Variants in CAV2 observed in about 807,000 individuals in gnomAD.
CAV2 encodes caveolin-2.
CAV2 carries 7 observed loss-of-function variants against 15.5 expected under a neutral mutation model. That is an observed-to-expected ratio of 0.45 (90% CI 0.26 to 0.85). The LOEUF is 0.85. CAV2 is among the 40% of genes least tolerant of loss of function. The pLI, the probability that CAV2 is intolerant of heterozygous loss-of-function variation, is 0.18. For missense variants in CAV2, 229 were observed against 208.8 expected (o/e 1.10, Z -0.60); for synonymous variants, 76 against 83.1 (o/e 0.91, Z 0.46).
Position 116,507,976 on chromosome 7 carries a change from G to A in CAV2, c.*1855G>A, listed in dbSNP as rs1048512204. The A allele has an allele frequency of 6.6e-6, 1 of 152,160 alleles. No homozygotes were observed. The highest frequency in any genetic ancestry group is 1.5e-5 in the Non-Finnish European group (1 of 68,028). 9.4% of individuals were successfully genotyped at this position (152,160 alleles called of 1,614,324 possible). On this transcript the variant is annotated 3_prime_UTR_variant, in exon 3 of 3. Coordinates refer to ENST00000222693, the MANE Select transcript of CAV2 (RefSeq NM_001233.5). ...ATCAAATGAATGATTAAATTATGAA[G>A]CTCATATCCTTTTGAAGGTAGTTGC... is the stretch of plus-strand genomic sequence containing the variant.
rs1040188382 is a variant in CAV2, at chr7:116,506,712, T to G, written c.*591T>G. On this transcript the variant is annotated 3_prime_UTR_variant, in exon 3 of 3. Transcript: ENST00000222693. The stretch of plus-strand genomic sequence containing the variant: ...TTAAAATATTGTTTTCCTACAGGCC[T>G]ATTTAACAAGATGTTTCATTTTACT... The G allele has an allele frequency of 6.6e-6, 1 of 152,202 alleles. No homozygotes were observed. The highest frequency in any genetic ancestry group is 2.4e-5 in the African/African-American group (1 of 41,460). The allele number at this position is 152,202 out of a possible 1,614,324, so 9.4% of individuals were successfully genotyped here.
intron 2 of CAV2, among the ~76,000 whole-genome samples, chr7:116,504,789 G>T (rs1325501428): frequency 1.3e-5 from 2 of 152,178 alleles, no homozygotes; most frequent in Non-Finnish European, 2.9e-5. Context: ...ATAAGGATAT[G>T]CAGCTATGTT....
At position 116,506,376 on chromosome 7, in the gene CAV2, C is replaced by T; in HGVS notation, c.*255C>T. On this transcript the variant is annotated 3_prime_UTR_variant, in exon 3 of 3. Coordinates refer to ENST00000222693, the MANE Select transcript of CAV2 (RefSeq NM_001233.5). The stretch of plus-strand genomic sequence containing the variant: ...GACACCACTTAGATTTAAAGGCAGA[C>T]AGTTTTGCTTTAGTACAATAGTATA... The T allele has an allele frequency of 2.5e-6, 1 of 405,460 alleles. No homozygotes were observed. The highest frequency in any genetic ancestry group is 4.4e-6 in the Non-Finnish European group (1 of 227,886). 25.1% of individuals were successfully genotyped at this position (405,460 alleles called of 1,614,324 possible). A position where few individuals can be genotyped will look rare whatever the true frequency, so the allele number is the denominator to read the frequency against.
At chr7:116,503,808 C>A (rs67933359) in intron 2 of CAV2, among the ~76,000 whole-genome samples, 40,728 of 146,826 alleles carry the variant, frequency 0.28, 6,202 homozygotes, top group African/African-American at 0.37. Flanking sequence ...CCAGCCTGGG[C>A]AATAGAGTGA....
rs765831466 is a variant in CAV2, at chr7:116,499,921, C to A, written c.140C>A (p.Ser47Ter). 5 of 1,611,526 alleles carry A rather than the reference C, an allele frequency of 3.1e-6. No homozygotes were observed. The highest frequency in any genetic ancestry group is 4.2e-6 in the Non-Finnish European group (5 of 1,179,302). Residue 47 changes from serine (S) to a stop codon, truncating the protein, a stop_gained, in exon 1 of 3, where the codon TCG (serine) becomes TAG (stop). Coordinates refer to ENST00000222693, the MANE Select transcript of CAV2 (RefSeq NM_001233.5). LOFTEE classifies it high-confidence loss of function. ...GACCGGGATCCCCACCGGCTCAACT[C>A]GCATCTCAAGGTGAAGCCCGGGGCG... The part of the protein sequence containing the change: ...DQDRDPHRLN[S>*]HLKLGFEDVI...
intron 1 of CAV2, 87 bp from the exon 2 acceptor site, chr7:116,500,173 C>T (rs1793059158): frequency 6.5e-7 from 1 of 1,546,324 alleles, no homozygotes; most frequent in South Asian, 1.3e-5. Flanking sequence ...ACGTCCTTCC[C>T]TCCTGCTTCC....
chr7:116,499,949 C>T lies in CAV2; in HGVS notation c.150+18C>T, dbSNP rs755695447. ...ATCTCAAGGTGAAGCCCGGGGCGGG[C>T]GGGCCCAAGTCCCCGCTGAGGCCGG... is the stretch of plus-strand genomic sequence containing the variant. On this transcript the variant is annotated intron_variant, in intron 1 of 2. Coordinates refer to ENST00000222693, the MANE Select transcript of CAV2 (RefSeq NM_001233.5). 5.0e-6 allele frequency: 8 copies of T among 1,607,578 alleles called. No individual in the cohort carries two copies. In the South Asian group the frequency reaches 8.8e-5, roughly 18 times the overall value.
intron 2 of CAV2, among the ~76,000 whole-genome samples, chr7:116,504,718 A>G (rs1401522693): frequency 6.6e-6 from 1 of 152,222 alleles, no homozygotes; most frequent in Non-Finnish European, 1.5e-5. Context: ...CTCAGAGGAC[A>G]TTACTACAAC....
At chr7:116,503,358 A>C (rs1036863888) in intron 2 of CAV2, among the ~76,000 whole-genome samples, 1 of 152,106 alleles carries the variant, frequency 6.6e-6, no homozygotes, top group African/African-American at 2.4e-5. Context: ...CAAGTAAACA[A>C]AAATAAAATC....
At position 116,500,028 on chromosome 7, in the gene CAV2, G is replaced by A. The variant is rs932642317; in HGVS notation, c.150+97G>A. 16 of 1,507,932 alleles carry A rather than the reference G, an allele frequency of 1.1e-5. No homozygotes were observed. In the African/African-American group the frequency reaches 2.1e-4, roughly 20 times the overall value. The allele number at this position is 1,507,932 out of a possible 1,614,324, so 93.4% of individuals were successfully genotyped here. ...TAACCCGTCCCACCATTGCTACCGG[G>A]TCGGCCCCGCAGGGTCTGAGACCCG... On this transcript the variant is annotated intron_variant, in intron 1 of 2. Transcript: ENST00000222693.
rs1793239161 is a variant in CAV2, at chr7:116,506,345, T to C, written c.*224T>C. 4.2e-6 allele frequency: 2 copies of C among 477,132 alleles called. No individual in the cohort carries two copies. Among genetic ancestry groups the C allele is most frequent in the Admixed American group, 3.7e-5 (1 of 26,928 alleles). The allele number at this position is 477,132 out of a possible 1,614,324, so 29.6% of individuals were successfully genotyped here. ...TAACTTTGTAACCAGAATTATACAG[T>C]AAGTTGACACCACTTAGATTTAAAG... On this transcript the variant is annotated 3_prime_UTR_variant, in exon 3 of 3. Coordinates refer to ENST00000222693, the MANE Select transcript of CAV2 (RefSeq NM_001233.5).
At chr7:116,500,109 G>A (rs1159191242) in intron 1 of CAV2, 151 bp from the exon 2 acceptor site, 89 of 1,469,836 alleles carry the variant, frequency 6.1e-5, no homozygotes, top group Non-Finnish European at 7.6e-5. Context: ...GGAATTCTTA[G>A]CCAGGTTCCT....
intron 1 of CAV2, 54 bp from the exon 2 acceptor site, chr7:116,500,205 TC>T: frequency 6.3e-7 from 1 of 1,578,986 alleles, no homozygotes; most frequent in Non-Finnish European, 8.6e-7. Context: ...CGCTCCCGGT[TC>T]CCGGGGCGTC....
intron 2 of CAV2, among the ~76,000 whole-genome samples, chr7:116,504,801 G>C (rs1359715727): frequency 1.3e-5 from 2 of 152,128 alleles, no homozygotes; most frequent in Non-Finnish European, 2.9e-5. Context: ...AGCTATGTTA[G>C]GAACAAGTGT....
chr7:116,505,220 C>A (rs549997411), intron 2 of CAV2, among the ~76,000 whole-genome samples: 3 of 152,292 alleles, frequency 2.0e-5, no homozygotes, highest in East Asian at 3.9e-4. Context: ...AGGAAGTAAA[C>A]CCTCAGGGAA....
At chr7:116,505,350 G>A (rs1793209154) in intron 2 of CAV2, among the ~76,000 whole-genome samples, 1 of 151,996 alleles carries the variant, frequency 6.6e-6, no homozygotes, top group Non-Finnish European at 1.5e-5. Flanking sequence ...GAATATTAGT[G>A]TTTATTATCT....
Position 116,500,351 on chromosome 7 carries a change from A to G in CAV2, c.242A>G (p.Lys81Arg). 6.2e-7 allele frequency: 1 copy of G among 1,614,224 alleles called. No homozygotes were observed. Among genetic ancestry groups the G allele is most frequent in the Non-Finnish European group, 8.5e-7 (1 of 1,180,034 alleles). ...AGCCATGCCCTCTTTGAAATCAGCAAATACGTAATGTACAAGTTCCTGACG... is the reference window on the plus strand; with the variant it reads ...AGCCATGCCCTCTTTGAAATCAGCAGATACGTAATGTACAAGTTCCTGACG... Reference protein sequence around the residue: ...ICSHALFEISKYVMYKFLTVF... With the variant: ...ICSHALFEISRYVMYKFLTVF... The change falls in exon 2 of 3, where the codon AAA becomes AGA. Residue 81 changes from lysine to arginine, a missense_variant. Transcript: ENST00000222693.
At chr7:116,505,943 C>T in intron 2 of CAV2, 28 bp from the exon 3 acceptor site, 1 of 1,548,814 alleles carries the variant, frequency 6.5e-7, no homozygotes. Flanking sequence ...AGCAACAATC[C>T]TCACACATCT....
Position 116,500,344 on chromosome 7 carries a change from A to G in CAV2, c.235A>G (p.Ile79Val), listed in dbSNP as rs201185444. The part of the protein sequence containing the change: ...VWICSHALFE[I>V]SKYVMYKFLT... ...GATCTGCAGCCATGCCCTCTTTGAAATCAGCAAATACGTAATGTACAAGTT... is the reference window on the plus strand; with the variant it reads ...GATCTGCAGCCATGCCCTCTTTGAAGTCAGCAAATACGTAATGTACAAGTT... The change falls in exon 2 of 3, where the codon ATC (isoleucine) becomes GTC (valine). Residue 79 changes from isoleucine to valine, a missense_variant. Ile to Val is a conservative substitution (Grantham distance 29). Coordinates refer to ENST00000222693, the MANE Select transcript of CAV2 (RefSeq NM_001233.5). 6.2e-7 allele frequency: 1 copy of G among 1,614,196 alleles called. No individual in the cohort carries two copies. The highest frequency in any genetic ancestry group is 8.5e-7 in the Non-Finnish European group (1 of 1,180,030).
Sources: gnomAD v4.1 joint callset for allele counts (sites outside exome capture counted in the v4.1 genomes callset) on GRCh38, gnomAD v4.1.1 for gene constraint, MANE v1.5 for transcripts, NCBI Gene and HGNC (gene_info 2026-07-23, HGNC 2026-07-21) for gene names.